RIMS2: variants seen among roughly 807,000 people sequenced by gnomAD.
RIMS2 encodes regulating synaptic membrane exocytosis 2.
In RIMS2, 59 loss-of-function variants were observed where a neutral mutation model predicts 174.4. The observed-to-expected ratio is 0.34, with a 90% CI of 0.27 to 0.42. RIMS2 has a LOEUF of 0.42. RIMS2 is among the 10% of genes least tolerant of loss of function. RIMS2 has a pLI of 1.00. For missense variants in RIMS2, 1,620 were observed against 1,666.3 expected (o/e 0.97, Z 0.48); for synonymous variants, 606 against 572.5 (o/e 1.06, Z -0.84).
intron 14 of RIMS2, among the ~76,000 whole-genome samples, chr8:103,947,980 C>A (rs2084246478): frequency 1.3e-5 from 2 of 151,804 alleles, no homozygotes; most frequent in East Asian, 3.9e-4. Flanking sequence ...TATAAGGAGC[C>A]CTTAAAATGC....
At chr8:103,934,234 A>C (rs967047919) in intron 12 of RIMS2, among the ~76,000 whole-genome samples, 3 of 152,262 alleles carry the variant, frequency 2.0e-5, no homozygotes, top group Non-Finnish European at 1.5e-5. Context: ...TTTTAAAAAA[A>C]AGTTAACTAC....
chr8:103,664,472 T>C (rs921074210), intron 1 of RIMS2, among the ~76,000 whole-genome samples: 1 of 152,104 alleles, frequency 6.6e-6, no homozygotes, highest in Non-Finnish European at 1.5e-5. Flanking sequence ...ATGAAGGATA[T>C]GAACAGACAC....
intron 1 of RIMS2, among the ~76,000 whole-genome samples, chr8:103,550,940 A>T (rs1203194945): frequency 6.6e-6 from 1 of 152,196 alleles, no homozygotes; most frequent in Non-Finnish European, 1.5e-5. Context: ...CAGGCTCTGA[A>T]ATTTAGGCAA....
At chr8:103,605,915 C>G (rs1485791450) in intron 1 of RIMS2, among the ~76,000 whole-genome samples, 1 of 149,216 alleles carries the variant, frequency 6.7e-6, no homozygotes, top group African/African-American at 2.5e-5. Context: ...GTCTTGCTAG[C>G]AGTCTATCAA....
rs903650275 is a variant in RIMS2 at position 103,742,249 on chromosome 8, TA to T, written c.388-23974del. On this transcript the variant is annotated intron_variant, in intron 2 of 23. Coordinates refer to ENST00000504942, the Ensembl canonical transcript of RIMS2. Reference sequence around the variant, plus strand: ...GAAGATCCTTATATATTTAGCCAAGTAAAACCAAAACAACCTAAATGTGAGT... The same window carrying T: ...GAAGATCCTTATATATTTAGCCAAGTAAACCAAAACAACCTAAATGTGAGT... Among the ~76,000 whole-genome samples, 14 of 152,196 alleles carry T rather than the reference TA, an allele frequency of 9.2e-5. No individual in the cohort carries two copies. The South Asian group carries it at 1.9e-3, about 20-fold the overall frequency.
intron 3 of RIMS2, among the ~76,000 whole-genome samples, chr8:103,880,026 TTGTACAAAAAC>T (rs1316684039): frequency 6.6e-6 from 1 of 151,650 alleles, no homozygotes; most frequent in Non-Finnish European, 1.5e-5. Context: ...TTTATTAAAT[TTGTACAAAAAC>T]TGCTGCTTCT....
At position 104,059,243 on chromosome 8, in the gene RIMS2, C is replaced by G. The variant is rs62528387; in HGVS notation, c.3334+44628C>G. Reference sequence around the variant, plus strand: ...ATTTCTTTGTATCCTCTTTTATTTCCTTGAGCAGTGGTTTGTAGTTCTCCT... The same window carrying G: ...ATTTCTTTGTATCCTCTTTTATTTCGTTGAGCAGTGGTTTGTAGTTCTCCT... On this transcript the variant is annotated intron_variant, in intron 19 of 23. Coordinates refer to ENST00000504942, the Ensembl canonical transcript of RIMS2. Among the ~76,000 whole-genome samples, 614 of 149,612 alleles carry G rather than the reference C, an allele frequency of 4.1e-3. 10 individuals are homozygous for G. The highest frequency in any genetic ancestry group is 5.1e-3 in the Non-Finnish European group (340 of 67,150).
At chr8:104,091,198 A>T (rs963671500) in intron 19 of RIMS2, among the ~76,000 whole-genome samples, 2 of 151,812 alleles carry the variant, frequency 1.3e-5, no homozygotes, top group Non-Finnish European at 3.0e-5. Flanking sequence ...CCCATTCCAG[A>T]GCATTGGCTC....
intron 3 of RIMS2, among the ~76,000 whole-genome samples, chr8:103,805,129 A>G (rs368112566): frequency 5.3e-5 from 8 of 151,982 alleles, no homozygotes; most frequent in Non-Finnish European, 1.0e-4. Context: ...ATTTTTATGT[A>G]TGTGTTTTTT....
Position 103,587,468 on chromosome 8 carries a change from G to GAAAGAAAGAAAGAAAGAAAGAAA in RIMS2, c.176+86409_176+86410insGAAAGAAAGAAAGAAAGAAAAAA, listed in dbSNP as rs35539559. Among the ~76,000 whole-genome samples the GAAAGAAAGAAAGAAAGAAAGAAA allele has an allele frequency of 1.1e-3, 110 of 96,412 alleles. 2 individuals are homozygous for GAAAGAAAGAAAGAAAGAAAGAAA. Among genetic ancestry groups the GAAAGAAAGAAAGAAAGAAAGAAA allele is most frequent in the Non-Finnish European group, 1.7e-3 (78 of 46,494 alleles). 63.3% of individuals were successfully genotyped at this position (96,412 alleles called of 152,430 possible). A position where few individuals can be genotyped will look rare whatever the true frequency, so the allele number is the denominator to read the frequency against. Reference sequence around the variant, plus strand: ...AGAAAGAAAGAAAGAAAGAAAGAAAGAAACTATGCACCAATATTTCTGATG... The same window carrying GAAAGAAAGAAAGAAAGAAAGAAA: ...AGAAAGAAAGAAAGAAAGAAAGAAAGAAAGAAAGAAAGAAAGAAAGAAAAAACTATGCACCAATATTTCTGATG... On this transcript the variant is annotated intron_variant, in intron 1 of 23. Coordinates refer to ENST00000504942, the Ensembl canonical transcript of RIMS2.
At position 104,053,881 on chromosome 8, in the gene RIMS2, G is replaced by A. The variant is rs530516689; in HGVS notation, c.3334+39266G>A. ...GCCAAACCAAGAATGGGGACACTGT[G>A]CAGAGAATATTATGAGAGACCAATA... is the stretch of plus-strand genomic sequence containing the variant. On this transcript the variant is annotated intron_variant, in intron 19 of 23. Transcript: ENST00000504942. Among the ~76,000 whole-genome samples, 27 of 152,190 alleles carry A rather than the reference G, an allele frequency of 1.8e-4. 2 individuals carry two copies. In the South Asian group the frequency reaches 5.6e-3, roughly 32 times the overall value.
chr8:103,674,863 A>G (rs1292299557), intron 1 of RIMS2, among the ~76,000 whole-genome samples: 3 of 149,160 alleles, frequency 2.0e-5, no homozygotes, highest in African/African-American at 7.3e-5. Flanking sequence ...TATGCAACAT[A>G]AAAGTAAGAT....
intron 14 of RIMS2, among the ~76,000 whole-genome samples, chr8:103,946,777 T>C (rs2083910026): frequency 6.6e-6 from 1 of 152,194 alleles, no homozygotes; most frequent in Non-Finnish European, 1.5e-5. Flanking sequence ...CTAGCCTTTA[T>C]ATGCAAAAGT....
At chr8:104,213,596 G>A (rs919440217) in intron 19 of RIMS2, among the ~76,000 whole-genome samples, 4 of 152,162 alleles carry the variant, frequency 2.6e-5, no homozygotes, top group African/African-American at 9.7e-5. Flanking sequence ...AAATGAATGG[G>A]CCGGGTGCAG....
chr8:103,775,960 T>G (rs1469832497), intron 3 of RIMS2, among the ~76,000 whole-genome samples: 6 of 152,248 alleles, frequency 3.9e-5, no homozygotes, highest in African/African-American at 1.4e-4. Context: ...ATAAATAGAG[T>G]TGCAACATGT....
intron 3 of RIMS2, among the ~76,000 whole-genome samples, chr8:103,818,410 G>A (rs943267707): frequency 6.6e-6 from 1 of 152,132 alleles, no homozygotes; most frequent in African/African-American, 2.4e-5. Flanking sequence ...ATGTACTTGG[G>A]TATAGAATAA....
intron 1 of RIMS2, among the ~76,000 whole-genome samples, chr8:103,528,467 A>G (rs1427751719): frequency 6.6e-6 from 1 of 152,168 alleles, no homozygotes. Flanking sequence ...GTCCTTGCCC[A>G]TGCCTATGTC....
At position 103,607,213 on chromosome 8, in the gene RIMS2, T is replaced by G. The variant is rs139290894; in HGVS notation, c.177-89873T>G. Among the ~76,000 whole-genome samples the G allele has an allele frequency of 7.4e-3, 1,133 of 152,284 alleles. 20 individuals are homozygous for G. The highest frequency in any genetic ancestry group is 7.3e-3 in the Non-Finnish European group (494 of 68,014). ...GCAGGCCTCGTGGTGACAAAATCTCTCAGCGTTTGCTTGTCTGTGAAGTAT... is the reference window on the plus strand; with the variant it reads ...GCAGGCCTCGTGGTGACAAAATCTCGCAGCGTTTGCTTGTCTGTGAAGTAT... On this transcript the variant is annotated intron_variant, in intron 1 of 23. Coordinates refer to ENST00000504942, the Ensembl canonical transcript of RIMS2.
chr8:103,568,834 T>C, intron 1 of RIMS2: 1 of 1,149,228 alleles, frequency 8.7e-7, no homozygotes. Context: ...TATTCTTCTG[T>C]AGGGTTAGCT....
Sources: gnomAD v4.1 joint callset for allele counts (sites outside exome capture counted in the v4.1 genomes callset) on GRCh38, gnomAD v4.1.1 for gene constraint, MANE v1.5 for transcripts, NCBI Gene and HGNC (gene_info 2026-07-23, HGNC 2026-07-21) for gene names.